FARP2: variants seen among roughly 807,000 people sequenced by gnomAD.
FARP2 encodes the protein FERM, ARH/RhoGEF and pleckstrin domain protein 2.
In FARP2, 111 loss-of-function variants were observed where a neutral mutation model predicts 130.5. The observed-to-expected ratio is 0.85, with a 90% CI of 0.73 to 1.00. The LOEUF is 1.00. FARP2 is among the 50% of genes least tolerant of loss of function. FARP2 has a pLI of 0.00. For missense variants in FARP2, 1,385 were observed against 1,346.3 expected (o/e 1.03, Z -0.45); for synonymous variants, 504 against 516.9 (o/e 0.98, Z 0.34).
intron 7 of FARP2, 96 bp downstream of exon 7, chr2:241,413,517 T>C: frequency 1.1e-6 from 1 of 875,906 alleles, no homozygotes; most frequent in Non-Finnish European, 1.8e-6. Context: ...TTCTGCAAGA[T>C]TCTAACATAA....
intron 2 of FARP2, among the ~76,000 whole-genome samples, chr2:241,398,726 G>A (rs959360414): frequency 5.3e-5 from 8 of 151,784 alleles, no homozygotes; most frequent in Non-Finnish European, 7.4e-5. Context: ...GTGCCACCAC[G>A]CCCGGCTAAT....
In FARP2 at chr2:241,447,167, T is replaced by C. The variant is rs185545908; in HGVS notation, c.1411+5611T>C. ...TTTTTAAATGGGCTTTTTAGCTTTCTTTCCCTCTACTTTTAGTTTTGATTT... is the reference window on the plus strand; with the variant it reads ...TTTTTAAATGGGCTTTTTAGCTTTCCTTCCCTCTACTTTTAGTTTTGATTT... On this transcript the variant is annotated intron_variant, in intron 13 of 26. Coordinates refer to ENST00000264042, the MANE Select transcript of FARP2 (RefSeq NM_014808.4). 3.3e-3 allele frequency: 500 copies of C among 152,380 alleles called. 5 individuals carry two copies. The highest frequency in any genetic ancestry group is 0.012 in the African/African-American group (484 of 41,588). The allele number at this position is 152,380 out of a possible 1,614,324, so 9.4% of individuals were successfully genotyped here.
In FARP2 at chr2:241,441,372, C is replaced by G. The variant is rs752506963; in HGVS notation, c.1227C>G (p.Leu409=). The change falls in exon 13 of 27, where the codon CTC becomes CTG. Residue 409 remains leucine, a synonymous_variant. Coordinates refer to ENST00000264042, the MANE Select transcript of FARP2 (RefSeq NM_014808.4). ...SPSSANAFYS[L]SPSTLVPSGL... ...CTTCAGCGAATGCCTTTTACTCGCT[C>G]TCTCCCTCCACTCTGGTCCCCTCTG... is the stretch of plus-strand genomic sequence containing the variant. 7 of 1,614,042 alleles carry G rather than the reference C, an allele frequency of 4.3e-6. No homozygotes were observed. The East Asian group carries it at 8.9e-5, about 21-fold the overall frequency.
chr2:241,426,782 C>T (rs1389611127), intron 8 of FARP2, among the ~76,000 whole-genome samples: 1 of 152,150 alleles, frequency 6.6e-6, no homozygotes, highest in Non-Finnish European at 1.5e-5. Context: ...GCTAACTGTG[C>T]AGGTTTAAAA....
At chr2:241,379,779 T>C (rs2061619557) in intron 2 of FARP2, among the ~76,000 whole-genome samples, 1 of 152,208 alleles carries the variant, frequency 6.6e-6, no homozygotes, top group African/African-American at 2.4e-5. Flanking sequence ...TTCTGAAATT[T>C]GGGGATAATA....
At chr2:241,372,095 C>T (rs2061436830) in intron 1 of FARP2, among the ~76,000 whole-genome samples, 1 of 151,922 alleles carries the variant, frequency 6.6e-6, no homozygotes, top group Non-Finnish European at 1.5e-5. Context: ...ACAAGCATAG[C>T]ACTGTTAGAC....
At chr2:241,440,160 G>A (rs565404545) in intron 12 of FARP2, among the ~76,000 whole-genome samples, 2 of 152,256 alleles carry the variant, frequency 1.3e-5, no homozygotes, top group South Asian at 4.1e-4. Flanking sequence ...AGTTACATTT[G>A]CACTTTTTAC....
intron 24 of FARP2, among the ~76,000 whole-genome samples, chr2:241,492,163 C>A (rs752332539): frequency 4.6e-5 from 7 of 152,216 alleles, no homozygotes; most frequent in Non-Finnish European, 1.0e-4. Context: ...TGCTGTCTTA[C>A]TCCACCCAGA....
intron 11 of FARP2, among the ~76,000 whole-genome samples, chr2:241,435,538 G>T (rs1355593200): frequency 6.9e-6 from 1 of 144,750 alleles, no homozygotes; most frequent in East Asian, 2.0e-4. Flanking sequence ...TTGAGACGGA[G>T]TCTCGCTCTG....
chr2:241,460,635 C>G (rs1013629989), intron 14 of FARP2, among the ~76,000 whole-genome samples: 1 of 152,146 alleles, frequency 6.6e-6, no homozygotes, highest in Non-Finnish European at 1.5e-5. Flanking sequence ...TGGGCTCAAC[C>G]TTTCATTTGA....
intron 2 of FARP2, among the ~76,000 whole-genome samples, chr2:241,391,680 A>G (rs1386698734): frequency 6.6e-6 from 1 of 152,162 alleles, no homozygotes; most frequent in Non-Finnish European, 1.5e-5. Flanking sequence ...CTCTTCTTCC[A>G]GTTTTCAACC....
chr2:241,373,062 GT>G (rs201276541), intron 1 of FARP2, 21 bp from the exon 2 acceptor site: 26,120 of 902,290 alleles, frequency 0.029, 1 homozygote, highest in Middle Eastern at 0.034. Flanking sequence ...CCTTCATGTG[GT>G]TTTTTTTTTT....
At chr2:241,368,611 G>T (rs573847646) in intron 1 of FARP2, among the ~76,000 whole-genome samples, 1 of 152,046 alleles carries the variant, frequency 6.6e-6, no homozygotes, top group African/African-American at 2.4e-5. Flanking sequence ...CAACAATGGG[G>T]TTACCTGCCG....
chr2:241,470,413 A>G (rs1439798554), intron 18 of FARP2, among the ~76,000 whole-genome samples: 2 of 150,272 alleles, frequency 1.3e-5, no homozygotes, highest in Admixed American at 1.3e-4. Context: ...TCCTGTTCTG[A>G]TGGGGATGCG....
At chr2:241,493,893 G>A (rs978511365) in intron 26 of FARP2, 115 bp from the exon 27 acceptor site, 16 of 632,206 alleles carry the variant, frequency 2.5e-5, no homozygotes, top group Admixed American at 2.3e-4. Flanking sequence ...CACCGCACCC[G>A]GCCCCAGGTT....
chr2:241,467,107 T>G (rs1273763354), intron 17 of FARP2, among the ~76,000 whole-genome samples: 1 of 151,048 alleles, frequency 6.6e-6, no homozygotes, highest in African/African-American at 2.4e-5. Context: ...ATACAAAAAT[T>G]AGCTGGGTGT....
At position 241,364,549 on chromosome 2, in the gene FARP2, T is replaced by C. The variant is rs1001472798; in HGVS notation, c.-25+8161T>C. Among the ~76,000 whole-genome samples the C allele has an allele frequency of 2.6e-5, 4 of 152,266 alleles. No homozygotes were observed. In the East Asian group the frequency reaches 7.7e-4, roughly 29 times the overall value. On this transcript the variant is annotated intron_variant, in intron 1 of 26. Coordinates refer to ENST00000264042, the MANE Select transcript of FARP2 (RefSeq NM_014808.4). ...GTTAAGGCTACAGTTAAAAAATAAA[T>C]AAAACTTTATAAAGCCCCTATTATT...
intron 4 of FARP2, among the ~76,000 whole-genome samples, chr2:241,406,069 C>T (rs185987277): frequency 1.3e-3 from 205 of 152,084 alleles, no homozygotes; most frequent in Non-Finnish European, 2.4e-3. Flanking sequence ...TTTGGGAGGC[C>T]AAGGTGGGCA....
intron 18 of FARP2, among the ~76,000 whole-genome samples, chr2:241,470,522 G>C (rs76193329): frequency 0.026 from 3,963 of 151,138 alleles, 394 homozygotes; most frequent in Admixed American, 0.18. Flanking sequence ...GACCATAGTT[G>C]GAGGAGGACT....
Sources: allele counts gnomAD v4.1 joint callset (sites outside exome capture counted in the v4.1 genomes callset), GRCh38; gene constraint gnomAD v4.1.1; transcripts MANE v1.5; gene names NCBI Gene and HGNC (gene_info 2026-07-23, HGNC 2026-07-21).